Variants in SASH1 observed in about 807,000 individuals in gnomAD.
The protein encoded by SASH1 is SAM and SH3 domain containing 1.
Under a neutral mutation model 125.2 loss-of-function variants are expected in SASH1, and 44 were observed. The observed-to-expected ratio is 0.35, with a 90% CI of 0.28 to 0.45. The LOEUF is 0.45. Among genes scored for constraint, SASH1 ranks in the 20% least tolerant of loss-of-function variants. The pLI, the probability that SASH1 is intolerant of heterozygous loss-of-function variation, is 1.00. For missense variants in SASH1, 1,426 were observed against 1,614.5 expected, an observed-to-expected ratio of 0.88 and a Z score of 2.00; for synonymous variants, 639 against 649.1, an observed-to-expected ratio of 0.98 and a Z score of 0.24.
intron 2 of SASH1, among the ~76,000 whole-genome samples, chr6:148,392,718 T>A (rs1309779392): frequency 6.6e-6 from 1 of 152,222 alleles, no homozygotes; most frequent in Admixed American, 6.5e-5. Flanking sequence ...TGGGAGTTAG[T>A]TTAAAGTTGA....
chr6:148,302,662 T>TACACACACAC (rs749409477), intron 1 of SASH1, among the ~76,000 whole-genome samples: 1 of 66,780 alleles, frequency 1.5e-5, no homozygotes, highest in Non-Finnish European at 3.1e-5. Flanking sequence ...TGTATATATA[T>TACACACACAC]ACACACACAC....
At chr6:148,352,740 G>C (rs997752871) in intron 1 of SASH1, among the ~76,000 whole-genome samples, 3 of 152,040 alleles carry the variant, frequency 2.0e-5, no homozygotes, top group Admixed American at 6.6e-5. Flanking sequence ...GGGAGGCCGA[G>C]GCAGGTGGAT....
At chr6:148,336,047 A>G (rs1055266669) in intron 1 of SASH1, among the ~76,000 whole-genome samples, 3 of 152,194 alleles carry the variant, frequency 2.0e-5, no homozygotes, top group African/African-American at 7.2e-5. Context: ...ACTGTATCAA[A>G]TAAGTGGAAT....
intron 2 of SASH1, among the ~76,000 whole-genome samples, chr6:148,396,144 C>CAATAAA (rs949158226): frequency 5.3e-5 from 8 of 149,864 alleles, no homozygotes. Flanking sequence ...CTGGGAATGT[C>CAATAAA]AATAAAAATA....
Position 148,533,000 on chromosome 6 carries a change from G to T in SASH1, c.1734+34G>T, listed in dbSNP as rs760168051. On this transcript the variant is annotated intron_variant, in intron 14 of 19. Coordinates refer to ENST00000367467, the MANE Select transcript of SASH1 (RefSeq NM_015278.5). This position sits in a 1 kb window ranked among gnomAD's most constrained non-coding sequence, Gnocchi z 4.7. Reference sequence around the variant, plus strand: ...CTCCCTGGCCTCAGAGCAGCTAACTGGGCTCTTCCATTTCTCTAGGAGGCT... The same window carrying T: ...CTCCCTGGCCTCAGAGCAGCTAACTTGGCTCTTCCATTTCTCTAGGAGGCT... 3 of 1,606,886 alleles carry T rather than the reference G, an allele frequency of 1.9e-6. No homozygotes were observed. In the African/African-American group the frequency reaches 4.0e-5, roughly 22 times the overall value.
intron 8 of SASH1, chr6:148,512,561 A>T (rs950742851): frequency 2.0e-6 from 2 of 985,212 alleles, no homozygotes; most frequent in Admixed American, 1.2e-4. Context: ...CAACAATCCA[A>T]CCAAGTAGAA....
intron 1 of SASH1, among the ~76,000 whole-genome samples, chr6:148,382,054 G>C (rs911155783): frequency 2.0e-5 from 3 of 152,194 alleles, no homozygotes; most frequent in East Asian, 3.9e-4. Context: ...TTTCTGGTAT[G>C]GTTCTGGGTT....
intron 1 of SASH1, among the ~76,000 whole-genome samples, chr6:148,277,488 G>A (rs1253164725): frequency 2.0e-5 from 3 of 152,206 alleles, no homozygotes; most frequent in African/African-American, 7.2e-5. Flanking sequence ...ACACAGGGCA[G>A]AAGTGAGTTG....
At chr6:148,291,073 C>T (rs1779621141) in intron 1 of SASH1, among the ~76,000 whole-genome samples, 1 of 151,060 alleles carries the variant, frequency 6.6e-6, no homozygotes, top group South Asian at 2.1e-4. Flanking sequence ...AATCATGGCT[C>T]ACTGCAGCCT....
chr6:148,412,230 T>G (rs1253269708), intron 2 of SASH1, among the ~76,000 whole-genome samples: 2 of 152,218 alleles, frequency 1.3e-5, no homozygotes, highest in Non-Finnish European at 2.9e-5. Flanking sequence ...GAAATCACTT[T>G]TATTTTTATT....
At chr6:148,492,100 A>G (rs1286045761) in intron 8 of SASH1, among the ~76,000 whole-genome samples, 1 of 152,240 alleles carries the variant, frequency 6.6e-6, no homozygotes, top group African/African-American at 2.4e-5. Context: ...GCCCTGATTA[A>G]TAGCATCTGA....
the SASH1 span, among the ~76,000 whole-genome samples, chr6:148,210,827 G>A: frequency 6.5e-3 from 996 of 152,262 alleles, 9 homozygotes; most frequent in African/African-American, 0.023. Context: ...TGTGACAAAG[G>A]TATAGAATTG....
chr6:148,281,691 G>A (rs1779345488), intron 1 of SASH1, among the ~76,000 whole-genome samples: 1 of 152,146 alleles, frequency 6.6e-6, no homozygotes, highest in Admixed American at 6.5e-5. Flanking sequence ...GGGAGGCTGA[G>A]GTGGGTGGAT....
At chr6:148,460,533 T>G (rs1455052703) in intron 4 of SASH1, among the ~76,000 whole-genome samples, 1 of 152,168 alleles carries the variant, frequency 6.6e-6, no homozygotes, top group Non-Finnish European at 1.5e-5. Flanking sequence ...AGAGTTAATG[T>G]TTTGGAGAGT....
chr6:148,238,444 A>G, the SASH1 span, among the ~76,000 whole-genome samples: 882 of 152,058 alleles, frequency 5.8e-3, 6 homozygotes, highest in African/African-American at 0.02. Flanking sequence ...TGCTGGTCTC[A>G]AACTCCTGGC....
the SASH1 span, among the ~76,000 whole-genome samples, chr6:148,240,628 TG>T: frequency 1.8e-3 from 274 of 152,236 alleles, 1 homozygote; most frequent in African/African-American, 6.4e-3. Flanking sequence ...AGGCTGCTGG[TG>T]GGTGGCTGTC....
the SASH1 span, among the ~76,000 whole-genome samples, chr6:148,219,258 T>G: frequency 6.6e-6 from 1 of 152,202 alleles, no homozygotes; most frequent in African/African-American, 2.4e-5. Context: ...CAGGAGCCCC[T>G]TTCTGCTTTC....
In SASH1 at chr6:148,474,232, C is replaced by T. The variant is rs781218488; in HGVS notation, c.627+10C>T. On this transcript the variant is annotated intron_variant, in intron 7 of 19. Coordinates refer to ENST00000367467, the MANE Select transcript of SASH1 (RefSeq NM_015278.5). ...GGAAGCACTTGCTAGGGTAAGCATG[C>T]AGATACCTGGTTTATATTTGTGAGG... 7 of 1,509,814 alleles carry T rather than the reference C, an allele frequency of 4.6e-6. No individual in the cohort carries two copies. The highest frequency in any genetic ancestry group is 5.5e-6 in the Non-Finnish European group (6 of 1,096,734). 93.5% of individuals were successfully genotyped at this position (1,509,814 alleles called of 1,614,324 possible).
intron 1 of SASH1, among the ~76,000 whole-genome samples, chr6:148,366,661 G>T (rs866699408): frequency 1.3e-5 from 2 of 152,094 alleles, no homozygotes; most frequent in African/African-American, 4.8e-5. Context: ...GCAATGGTGC[G>T]ATCTCAGCTC....
Sources: allele counts gnomAD v4.1 joint callset (sites outside exome capture counted in the v4.1 genomes callset), GRCh38; gene constraint gnomAD v4.1.1; non-coding constraint Gnocchi (gnomAD v3.1); transcripts MANE v1.5; gene names NCBI Gene and HGNC (gene_info 2026-07-23, HGNC 2026-07-21).